The following PAIP1 variants were observed in gnomAD, a reference collection of about 807,000 sequenced individuals.
PAIP1 encodes the protein poly(A) binding protein interacting protein 1.
In PAIP1, 16 loss-of-function variants were observed where a neutral mutation model predicts 61.3. The observed-to-expected ratio is 0.26, with a 90% CI of 0.18 to 0.40. The LOEUF is 0.40. Among genes scored for constraint, PAIP1 ranks in the 10% least tolerant of loss-of-function variants. The pLI is 1.00. For missense variants in PAIP1, 416 were observed against 600.9 expected, an observed-to-expected ratio of 0.69 and a Z score of 3.22; for synonymous variants, 187 against 226.2, an observed-to-expected ratio of 0.83 and a Z score of 1.56.
intron 5 of PAIP1, among the ~76,000 whole-genome samples, chr5:43,537,683 T>C (rs913227760): frequency 1.3e-5 from 2 of 152,100 alleles, no homozygotes; most frequent in South Asian, 2.1e-4. Flanking sequence ...AGCTTATATC[T>C]GATATTCACT....
In PAIP1 at chr5:43,529,838, A is replaced by C; in HGVS notation, c.1294T>G (p.Phe432Val). Reference sequence around the variant, plus strand: ...CCATTTTCTTCATAATCTGGAAAAAAGTCCTCTCTTTCAAGTAATTCTTGG... The same window carrying C: ...CCATTTTCTTCATAATCTGGAAAAACGTCCTCTCTTTCAAGTAATTCTTGG... ...KYQELLERED[F>V]FPDYEENGTD... The change falls in exon 10 of 11, where the codon TTT becomes GTT. Residue 432 changes from phenylalanine to valine, a missense_variant. Phe to Val is a conservative substitution (Grantham distance 50). Coordinates refer to ENST00000306846, the MANE Select transcript of PAIP1 (RefSeq NM_006451.5). The C allele has an allele frequency of 6.4e-7, 1 of 1,573,226 alleles. No individual in the cohort carries two copies. Among genetic ancestry groups the C allele is most frequent in the Non-Finnish European group, 8.8e-7 (1 of 1,142,802 alleles).
intron 3 of PAIP1, among the ~76,000 whole-genome samples, chr5:43,543,754 A>G (rs1037543433): frequency 6.6e-6 from 1 of 152,298 alleles, no homozygotes; most frequent in Non-Finnish European, 1.5e-5. Flanking sequence ...ATATAACTGA[A>G]GCAGTGTTCA....
rs753925729 is a variant in PAIP1, at chr5:43,547,702, TCA to T, written c.621+24_621+25del. On this transcript the variant is annotated intron_variant, in intron 3 of 10. Coordinates refer to ENST00000306846, the MANE Select transcript of PAIP1 (RefSeq NM_006451.5). ...GGGCTTCAAGGAAGCTATCTGAAGGTCACTGCATGCTATAAGCCAACATACCT... is the reference window on the plus strand; with the variant it reads ...GGGCTTCAAGGAAGCTATCTGAAGGTCTGCATGCTATAAGCCAACATACCT... 13 of 1,513,134 alleles carry T rather than the reference TCA, an allele frequency of 8.6e-6. No individual in the cohort carries two copies. In the Admixed American group the frequency reaches 2.4e-4, roughly 28 times the overall value. 93.7% of individuals were successfully genotyped at this position (1,513,134 alleles called of 1,614,324 possible).
intron 2 of PAIP1, among the ~76,000 whole-genome samples, chr5:43,554,016 G>C (rs1747964830): frequency 6.6e-6 from 1 of 152,176 alleles, no homozygotes; most frequent in Non-Finnish European, 1.5e-5. Context: ...AGGCCACACA[G>C]GTTTCCAGGT....
chr5:43,534,813 C>CAA (rs749134511), intron 8 of PAIP1, 40 bp downstream of exon 8: 1 of 1,081,498 alleles, frequency 9.2e-7, no homozygotes, highest in South Asian at 1.3e-5. Context: ...AAACGGAATT[C>CAA]AAGCAATAAG....
At chr5:43,529,358 A>G (rs923089172) in intron 10 of PAIP1, among the ~76,000 whole-genome samples, 2 of 152,182 alleles carry the variant, frequency 1.3e-5, no homozygotes, top group Non-Finnish European at 2.9e-5. Flanking sequence ...CAATTTTCTG[A>G]AAATTTTTAG....
intron 10 of PAIP1, among the ~76,000 whole-genome samples, chr5:43,528,305 A>G (rs969359393): frequency 1.1e-4 from 17 of 152,152 alleles, no homozygotes; most frequent in African/African-American, 3.1e-4. Flanking sequence ...ACATGATTCT[A>G]TCAACATCTT....
chr5:43,542,164 A>T (rs1167094233), intron 4 of PAIP1, among the ~76,000 whole-genome samples: 1 of 151,074 alleles, frequency 6.6e-6, no homozygotes, highest in Non-Finnish European at 1.5e-5. Context: ...TGACAGAGCA[A>T]GACTCGGTCT....
At chr5:43,554,133 C>CA (rs1747970589) in intron 2 of PAIP1, among the ~76,000 whole-genome samples, 1 of 152,186 alleles carries the variant, frequency 6.6e-6, no homozygotes, top group South Asian at 2.1e-4. Flanking sequence ...GGTGGACTAA[C>CA]ATGACTTTAT....
chr5:43,527,184 T>C lies in PAIP1; in HGVS notation c.*192A>G, dbSNP rs1277271881. The C allele has an allele frequency of 7.8e-6, 3 of 385,218 alleles. No individual in the cohort carries two copies. The highest frequency in any genetic ancestry group is 8.5e-5 in the East Asian group (2 of 23,602). The allele number at this position is 385,218 out of a possible 1,614,324, so 23.9% of individuals were successfully genotyped here. On this transcript the variant is annotated 3_prime_UTR_variant, in exon 11 of 11. Coordinates refer to ENST00000306846, the MANE Select transcript of PAIP1 (RefSeq NM_006451.5). ...TACATAATAAACTATTATATATATA[T>C]ACACATTTTAAGTTATAGGGAATAA...
Position 43,534,788 on chromosome 5 carries a change from C to T in PAIP1, c.1197+65G>A, listed in dbSNP as rs1024435253. 2.0e-5 allele frequency: 17 copies of T among 853,378 alleles called. No homozygotes were observed. The African/African-American group carries it at 2.7e-4, about 13-fold the overall frequency. 52.9% of individuals were successfully genotyped at this position (853,378 alleles called of 1,614,324 possible). On this transcript the variant is annotated intron_variant, in intron 8 of 10. Transcript: ENST00000306846. ...GAATTCTGAGAACAGCTTTATGTAG[C>T]TCTTCTAATTTCCAAAACGGAATTC...
intron 2 of PAIP1, among the ~76,000 whole-genome samples, chr5:43,549,264 T>C (rs1380317051): frequency 6.6e-6 from 1 of 152,182 alleles, no homozygotes; most frequent in Non-Finnish European, 1.5e-5. Context: ...AAGACCAACA[T>C]TGCCAATTGT....
At chr5:43,555,418 C>T (rs893106297) in intron 2 of PAIP1, among the ~76,000 whole-genome samples, 1 of 152,160 alleles carries the variant, frequency 6.6e-6, no homozygotes, top group Non-Finnish European at 1.5e-5. Context: ...CTTTGTACGG[C>T]TATTTAAGAA....
chr5:43,551,078 T>C (rs1036722563), intron 2 of PAIP1, among the ~76,000 whole-genome samples: 1 of 151,912 alleles, frequency 6.6e-6, no homozygotes, highest in Non-Finnish European at 1.5e-5. Flanking sequence ...GATAAGGAGA[T>C]CTTAGAGGGC....
chr5:43,548,061 T>G (rs1747717439), intron 2 of PAIP1, 148 bp from the exon 3 acceptor site: 1 of 578,522 alleles, frequency 1.7e-6, no homozygotes, highest in Admixed American at 3.6e-5. Context: ...TTGAGCTATT[T>G]TTCTTCCTTG....
rs757192994 is a variant in PAIP1 at position 43,556,008 on chromosome 5, GA to G, written c.266-10del. 69 of 1,560,446 alleles carry G rather than the reference GA, an allele frequency of 4.4e-5. No individual in the cohort carries two copies. Among genetic ancestry groups the G allele is most frequent in the Non-Finnish European group, 5.4e-5 (62 of 1,152,204 alleles). On this transcript the variant is annotated splice_polypyrimidine_tract_variant and intron_variant, in intron 1 of 10. Coordinates refer to ENST00000306846, the MANE Select transcript of PAIP1 (RefSeq NM_006451.5). ...CAGGGGCCTCGTTTGCTCTGCAAAA[GA>G]AAAAAAAACGGGGCGTCAGATGCAT...
chr5:43,540,642 A>T (rs1205520816), intron 4 of PAIP1, among the ~76,000 whole-genome samples: 1 of 152,240 alleles, frequency 6.6e-6, no homozygotes, highest in Non-Finnish European at 1.5e-5. Context: ...TTTTCAAAGT[A>T]TGTATATATT....
At chr5:43,529,921 A>G (rs745314362) in intron 9 of PAIP1, 42 bp from the exon 10 acceptor site, 1 of 888,480 alleles carries the variant, frequency 1.1e-6, no homozygotes, top group Non-Finnish European at 1.9e-6. Flanking sequence ...CTGAAAAAAT[A>G]TCACATGAAA....
rs868594959 is a variant in PAIP1, at chr5:43,533,424, T to C, written c.1252+314A>G. 4.5e-4 allele frequency among the ~76,000 whole-genome samples: 68 copies of C among 152,170 alleles called. 1 individual carries two copies. Among genetic ancestry groups the C allele is most frequent in the African/African-American group, 1.5e-3 (63 of 41,438 alleles). On this transcript the variant is annotated intron_variant, in intron 9 of 10. Coordinates refer to ENST00000306846, the MANE Select transcript of PAIP1 (RefSeq NM_006451.5). ...GAATCGTCTTTCCCCTCCATTCTAA[T>C]CACCTGAAAATTTAAGATTATAAAA...
Sources: allele counts gnomAD v4.1 joint callset (sites outside exome capture counted in the v4.1 genomes callset), GRCh38; gene constraint gnomAD v4.1.1; transcripts MANE v1.5; gene names NCBI Gene and HGNC (gene_info 2026-07-23, HGNC 2026-07-21).